The following GPATCH1 variants were observed in gnomAD, a reference collection of about 807,000 sequenced individuals.
GPATCH1 encodes G patch domain-containing protein 1.
Under a neutral mutation model 114.9 loss-of-function variants are expected in GPATCH1, and 73 were observed. The ratio of observed to expected loss-of-function variants is 0.64; its 90% CI spans 0.53 to 0.77. The LOEUF (loss-of-function observed/expected upper bound fraction) is 0.77, where lower values mean the gene tolerates loss of function less well. Ranked by LOEUF, GPATCH1 falls within the 30% of genes least tolerant of loss-of-function variation. GPATCH1 has a pLI of 0.00. For missense variants in GPATCH1, 1,058 were observed against 1,144.3 expected, an observed-to-expected ratio of 0.92 and a Z score of 1.09; for synonymous variants, 391 against 428.4, an observed-to-expected ratio of 0.91 and a Z score of 1.08.
chr19:33,112,432 A>C, intron 12 of GPATCH1, 54 bp from the exon 13 acceptor site: 1 of 1,598,092 alleles, frequency 6.3e-7, no homozygotes, highest in South Asian at 1.1e-5. Context: ...ATGGGAGAGC[A>C]GTCAGGTCAG....
intron 1 of GPATCH1, among the ~76,000 whole-genome samples, chr19:33,082,338 G>A (rs1972487424): frequency 6.6e-6 from 1 of 152,192 alleles, no homozygotes. Context: ...TGTAGGGAAG[G>A]CAGAGGAAGA....
Position 33,117,877 on chromosome 19 carries a change from C to G in GPATCH1, c.2249C>G (p.Ser750Cys), listed in dbSNP as rs775553009. ...GCTGAAGGAGAAGGGAGCCGCCCAT[C>G]CATGGACTTATTCAGGGCCATCTTT... ...AQAEGEGSRP[S>C]MDLFRAIFAS... The change falls in exon 16 of 20, where the codon TCC (serine) becomes TGC (cysteine). Residue 750 changes from serine (S) to cysteine (C), a missense_variant. Physicochemically the swap from Ser to Cys is moderately radical, Grantham distance 112 (BLOSUM62 -1). This residue lies in a region of GPATCH1 where 893 missense variants were observed against 977.4 expected (regional missense o/e 0.91). Transcript: ENST00000170564. The G allele has an allele frequency of 1.9e-6, 3 of 1,613,906 alleles. No individual in the cohort carries two copies. In the African/African-American group the frequency reaches 4.0e-5, roughly 22 times the overall value.
chr19:33,127,535 AAG>A (rs970964430), intron 19 of GPATCH1, among the ~76,000 whole-genome samples: 3 of 151,736 alleles, frequency 2.0e-5, no homozygotes, highest in Non-Finnish European at 4.4e-5. Context: ...AAAAAAAAAA[AAG>A]AAAAGAAAAT....
intron 7 of GPATCH1, among the ~76,000 whole-genome samples, chr19:33,096,955 T>A (rs985600081): frequency 1.0e-4 from 15 of 148,164 alleles, no homozygotes; most frequent in Non-Finnish European, 4.5e-5. Flanking sequence ...TTTCTTTCTT[T>A]TTTTTTTGAG....
At chr19:33,112,147 G>A (rs915648676) in intron 12 of GPATCH1, among the ~76,000 whole-genome samples, 2 of 151,798 alleles carry the variant, frequency 1.3e-5, no homozygotes, top group Non-Finnish European at 2.9e-5. Flanking sequence ...TGTATTTTTA[G>A]TAGAGATGGG....
chr19:33,118,158 A>G (rs1001497893), intron 16 of GPATCH1, 117 bp downstream of exon 16: 2 of 613,524 alleles, frequency 3.3e-6, no homozygotes, highest in African/African-American at 3.8e-5. Flanking sequence ...ATGATATGTA[A>G]TCTTTTATAT....
chr19:33,081,214 C>T lies in GPATCH1; in HGVS notation c.21C>T (p.Asp7=), dbSNP rs1418203414. 6.4e-7 allele frequency: 1 copy of T among 1,551,612 alleles called. No individual in the cohort carries two copies. Among genetic ancestry groups the T allele is most frequent in the Non-Finnish European group, 8.7e-7 (1 of 1,146,996 alleles). Residue 7 remains aspartate (D), a synonymous_variant, in exon 1 of 20, where the codon GAC becomes GAT. Transcript: ENST00000170564. The part of the protein sequence containing the change: MAARDS[D]SEEDLVSYGT... ...GCAGGATGGCGGCGCGGGACAGTGA[C>T]AGCGAAGAAGATCTGGTCAGCTATG... is the stretch of plus-strand genomic sequence containing the variant.
In GPATCH1 at chr19:33,095,628, C is replaced by T. The variant is rs535953615; in HGVS notation, c.554-134C>T. 6 of 691,934 alleles carry T rather than the reference C, an allele frequency of 8.7e-6. No individual in the cohort carries two copies. In the South Asian group the frequency reaches 9.7e-5, roughly 11 times the overall value. 42.9% of individuals were successfully genotyped at this position (691,934 alleles called of 1,614,324 possible). A position where few individuals can be genotyped will look rare whatever the true frequency, so the allele number is the denominator to read the frequency against. ...TGTTACCCAGGCTGGTCTTGAACTC[C>T]TGGGCTCAAGCGATCCTCTCACCTC... On this transcript the variant is annotated intron_variant, in intron 5 of 19. Coordinates refer to ENST00000170564, the MANE Select transcript of GPATCH1 (RefSeq NM_018025.3).
intron 12 of GPATCH1, 47 bp from the exon 13 acceptor site, chr19:33,112,439 T>G (rs571067548): frequency 6.2e-7 from 1 of 1,608,390 alleles, no homozygotes; most frequent in Non-Finnish European, 8.5e-7. Context: ...AGCAGTCAGG[T>G]CAGTGGTGCG....
At chr19:33,091,021 A>C (rs1432657128) in intron 3 of GPATCH1, among the ~76,000 whole-genome samples, 156 bp downstream of exon 3, 1 of 152,170 alleles carries the variant, frequency 6.6e-6, no homozygotes, top group African/African-American at 2.4e-5. Context: ...TGTCCTGTAC[A>C]TCAGTAGAGT....
chr19:33,110,666 G>T (rs980058143), intron 11 of GPATCH1, among the ~76,000 whole-genome samples: 1 of 149,142 alleles, frequency 6.7e-6, no homozygotes, highest in African/African-American at 2.5e-5. Context: ...AAAAAAAAAC[G>T]GTTAGTGAAA....
chr19:33,111,735 C>G lies in GPATCH1; in HGVS notation c.1597C>G (p.Arg533Gly). 1 of 1,613,894 alleles carries G rather than the reference C, an allele frequency of 6.2e-7. No homozygotes were observed. The highest frequency in any genetic ancestry group is 1.3e-5 in the African/African-American group (1 of 75,014). The part of the protein sequence containing the change: ...MKQGQKDALE[R>G]CLDPSMTEWE... ...CTCTGCCCCCGCAGATGCTCTGGAA[C>G]GCTGTCTGGACCCCAGCATGACAGA... is the stretch of plus-strand genomic sequence containing the variant. Residue 533 changes from arginine (R) to glycine (G), a missense_variant, in exon 12 of 20, where the codon CGC (arginine) becomes GGC (glycine). Transcript: ENST00000170564.
At chr19:33,124,714 A>T (rs566169245) in intron 17 of GPATCH1, among the ~76,000 whole-genome samples, 1 of 152,282 alleles carries the variant, frequency 6.6e-6, no homozygotes, top group East Asian at 1.9e-4. Context: ...AGGTTAGGCG[A>T]CGTGTCGAAG....
chr19:33,112,748 C>T (rs1323519227), intron 13 of GPATCH1, 135 bp downstream of exon 13: 10 of 583,196 alleles, frequency 1.7e-5, no homozygotes, highest in Non-Finnish European at 2.5e-5. Context: ...TACAAATCTA[C>T]ACATTTTATA....
In GPATCH1 at chr19:33,097,841, CGAG is replaced by C; in HGVS notation, c.943_945del (p.Glu315del). The C allele has an allele frequency of 6.2e-7, 1 of 1,613,874 alleles. No individual in the cohort carries two copies. The highest frequency in any genetic ancestry group is 8.5e-7 in the Non-Finnish European group (1 of 1,179,830). ...CCAAGTATGACACTGTTCTGAAGGA[CGAG>C]GAGCCTGGAGACGGACTCTATGGCT... On this transcript the variant is annotated inframe_deletion, in exon 8 of 20. Transcript: ENST00000170564.
chr19:33,105,423 A>AAAAAAG (rs1203405141), intron 9 of GPATCH1, among the ~76,000 whole-genome samples: 14 of 151,430 alleles, frequency 9.2e-5, no homozygotes, highest in African/African-American at 3.1e-4. Flanking sequence ...AAAAAAAAAA[A>AAAAAAG]AAAAAGAAAA....
At chr19:33,083,102 G>A (rs373748688) in intron 1 of GPATCH1, among the ~76,000 whole-genome samples, 18 of 136,218 alleles carry the variant, frequency 1.3e-4, no homozygotes, top group South Asian at 4.8e-4. Context: ...TTAGCTGGGC[G>A]TGGTGGGGGG....
chr19:33,127,653 T>C (rs1973058159), intron 19 of GPATCH1, among the ~76,000 whole-genome samples: 1 of 152,114 alleles, frequency 6.6e-6, no homozygotes, highest in Non-Finnish European at 1.5e-5. Context: ...CTTTAAGACC[T>C]TTTTTGTGCA....
At chr19:33,085,306 G>T (rs905681235) in intron 1 of GPATCH1, among the ~76,000 whole-genome samples, 1 of 151,992 alleles carries the variant, frequency 6.6e-6, no homozygotes, top group Admixed American at 6.6e-5. Flanking sequence ...TGGCCTCCTG[G>T]GCTCAAGCGA....
Sources: allele counts gnomAD v4.1 joint callset (sites outside exome capture counted in the v4.1 genomes callset), GRCh38; gene constraint gnomAD v4.1.1; regional missense constraint gnomAD v4.1.1; transcripts MANE v1.5; gene names NCBI Gene and HGNC (gene_info 2026-07-23, HGNC 2026-07-21).